EXOC3L4: variants seen among roughly 807,000 people sequenced by gnomAD.
EXOC3L4 encodes exocyst complex component 3 like 4.
Under a neutral mutation model 69.7 loss-of-function variants are expected in EXOC3L4, and 62 were observed. That is an observed-to-expected ratio of 0.89 (90% CI 0.72 to 1.10). EXOC3L4 has a LOEUF of 1.10. EXOC3L4 is among the 50% of genes least tolerant of loss of function. The pLI, the probability that EXOC3L4 is intolerant of heterozygous loss-of-function variation, is 0.00. For missense variants in EXOC3L4, 1,087 were observed against 1,034.8 expected (o/e 1.05, Z -0.69); for synonymous variants, 502 against 464.2 (o/e 1.08, Z -1.05).
At position 103,104,740 on chromosome 14, in the gene EXOC3L4, C is replaced by G; in HGVS notation, c.1287C>G (p.Leu429=). ...TCAGTGCGGGGCTTCGCTCGCAGCTCGTGGCCGAGCACGTGAAGGCGGCCG... is the reference window on the plus strand; with the variant it reads ...TCAGTGCGGGGCTTCGCTCGCAGCTGGTGGCCGAGCACGTGAAGGCGGCCG... ...QAPLSMDVHM[L]VAEHVKAAGA... The change falls in exon 6 of 12, where the codon CTC becomes CTG. Residue 429 remains leucine, a splice_region_variant and synonymous_variant. Transcript: ENST00000688303. 6.6e-7 allele frequency: 1 copy of G among 1,504,760 alleles called. No individual in the cohort carries two copies. 93.2% of individuals were successfully genotyped at this position (1,504,760 alleles called of 1,614,324 possible).
Position 103,105,009 on chromosome 14 carries a change from T to C in EXOC3L4, c.1403T>C (p.Leu468Pro). ...CGCCCCAGGTTTGAAAAGGCTTTTC[T>C]GGCGTCGGAGGCGGTGAGCGAGCCG... ...LFVPRFEKAF[L>P]ASEAVSEPHL... The change falls in exon 7 of 12, where the codon CTG becomes CCG. Residue 468 changes from leucine to proline, a missense_variant. Transcript: ENST00000688303. 1 of 1,612,610 alleles carries C rather than the reference T, an allele frequency of 6.2e-7. No individual in the cohort carries two copies. Among genetic ancestry groups the C allele is most frequent in the East Asian group, 2.2e-5 (1 of 44,824 alleles).
chr14:103,109,948 C>G, intron 11 of EXOC3L4, 83 bp from the exon 12 acceptor site: 1 of 1,418,236 alleles, frequency 7.1e-7, no homozygotes, highest in Non-Finnish European at 9.5e-7. Flanking sequence ...TACTAACTCC[C>G]AAGCCCGTGG....
chr14:103,096,175 A>C (rs1042453430), intron 1 of EXOC3L4, among the ~76,000 whole-genome samples: 1 of 152,090 alleles, frequency 6.6e-6, no homozygotes, highest in African/African-American at 2.4e-5. Flanking sequence ...ACACATAATG[A>C]GACCCCTGTC....
At chr14:103,103,251 A>C (rs1890311533) in intron 3 of EXOC3L4, among the ~76,000 whole-genome samples, 1 of 148,032 alleles carries the variant, frequency 6.8e-6, no homozygotes, top group South Asian at 2.2e-4. Flanking sequence ...GCTATTCCGG[A>C]GGCTGAGGTA....
At chr14:103,106,669 A>G in intron 7 of EXOC3L4, 116 bp from the exon 8 acceptor site, 1 of 612,142 alleles carries the variant, frequency 1.6e-6, no homozygotes, top group Non-Finnish European at 2.8e-6. Flanking sequence ...TACAATGGGG[A>G]GCCCCACGGG....
rs188903535 is a variant in EXOC3L4, at chr14:103,099,064, G to A, written c.-16-1140G>A. On this transcript the variant is annotated intron_variant, in intron 1 of 11. Coordinates refer to ENST00000688303, the MANE Select transcript of EXOC3L4 (RefSeq NM_001077594.2). ...ACTTCCTGCCCGATGTCACCCAAGGGTTGGGTGGTGGGTCAGGCGGGTGCT... is the reference window on the plus strand; with the variant it reads ...ACTTCCTGCCCGATGTCACCCAAGGATTGGGTGGTGGGTCAGGCGGGTGCT... Among the ~76,000 whole-genome samples the A allele has an allele frequency of 8.7e-4, 133 of 152,324 alleles. No homozygotes were observed. In the Middle Eastern group the frequency reaches 0.02, roughly 23 times the overall value.
In EXOC3L4 at chr14:103,103,368, A is replaced by AG. The variant is rs1555403233; in HGVS notation, c.1050-573_1050-572insG. On this transcript the variant is annotated intron_variant, in intron 3 of 11. Coordinates refer to ENST00000688303, the MANE Select transcript of EXOC3L4 (RefSeq NM_001077594.2). ...AGACTCTGTCTCAAAAAAAAAAAAA[A>AG]AAAGAAAGAAAGAAAGAAAAGAAAA... Among the ~76,000 whole-genome samples, 192 of 146,204 alleles carry AG rather than the reference A, an allele frequency of 1.3e-3. 2 individuals carry two copies. The highest frequency in any genetic ancestry group is 4.6e-3 in the African/African-American group (171 of 37,072).
chr14:103,102,050 G>T (rs1278422587), intron 2 of EXOC3L4, 68 bp from the exon 3 acceptor site: 3 of 1,478,770 alleles, frequency 2.0e-6, no homozygotes, highest in Non-Finnish European at 2.7e-6. Flanking sequence ...GCCGTGGCCT[G>T]CAGGTCTTCG....
chr14:103,104,821 C>T lies in EXOC3L4; in HGVS notation c.1368C>T (p.Leu456=), dbSNP rs1199797111. 1 of 1,506,400 alleles carries T rather than the reference C, an allele frequency of 6.6e-7. No homozygotes were observed. Among genetic ancestry groups the T allele is most frequent in the Non-Finnish European group, 8.9e-7 (1 of 1,120,752 alleles). The allele number at this position is 1,506,400 out of a possible 1,614,324, so 93.3% of individuals were successfully genotyped here. The change falls in exon 6 of 12, where the codon CTC becomes CTT. Residue 456 remains leucine, a synonymous_variant. Transcript: ENST00000688303. Reference sequence around the variant, plus strand: ...CCCTGCGAATCTGCACGCGGGCGCTCGGCCTCTTCGTGCCCAGGTGCGGAC... The same window carrying T: ...CCCTGCGAATCTGCACGCGGGCGCTTGGCCTCTTCGTGCCCAGGTGCGGAC... ...ATTLRICTRA[L]GLFVPRFEKA...
At chr14:103,101,533 G>C (rs770676323) in intron 2 of EXOC3L4, among the ~76,000 whole-genome samples, 4 of 152,228 alleles carry the variant, frequency 2.6e-5, no homozygotes, top group Non-Finnish European at 5.9e-5. Flanking sequence ...GCCTTTCACA[G>C]CCTGGCTCCT....
In EXOC3L4 at chr14:103,100,336, T is replaced by C; in HGVS notation, c.117T>C (p.Asn39=). ...GAACAAGCAGCAGGAAAGAGCCCAA[T>C]GCCCACCGCAAGGATGGCACAAGGC... The part of the protein sequence containing the change: ...SRRTSSRKEP[N]AHRKDGTRLG... The change falls in exon 2 of 12, where the codon AAT becomes AAC. Residue 39 remains asparagine (N), a synonymous_variant. Coordinates refer to ENST00000688303, the MANE Select transcript of EXOC3L4 (RefSeq NM_001077594.2). The C allele has an allele frequency of 6.3e-7, 1 of 1,597,016 alleles. No individual in the cohort carries two copies. The highest frequency in any genetic ancestry group is 1.1e-5 in the South Asian group (1 of 88,868).
In EXOC3L4 at chr14:103,100,513, C is replaced by A. The variant is rs1595237252; in HGVS notation, c.294C>A (p.Gly98=). 2 of 1,612,920 alleles carry A rather than the reference C, an allele frequency of 1.2e-6. No individual in the cohort carries two copies. The highest frequency in any genetic ancestry group is 4.5e-5 in the East Asian group (2 of 44,872). ...RQALNDGPAT[G]HSQATPEVPS... ...CCCTGAATGACGGCCCAGCTACCGG[C>A]CATTCCCAGGCCACTCCTGAGGTGC... Residue 98 remains glycine (G), a synonymous_variant, in exon 2 of 12, where the codon GGC becomes GGA. Coordinates refer to ENST00000688303, the MANE Select transcript of EXOC3L4 (RefSeq NM_001077594.2).
chr14:103,094,324 C>G (rs114127676), upstream of EXOC3L4, among the ~76,000 whole-genome samples: 3,491 of 152,286 alleles, frequency 0.023, 36 homozygotes, highest in Middle Eastern at 0.034. Context: ...GGGATGAACT[C>G]GATGGACTGG....
At chr14:103,108,214 C>T (rs1190119830) in intron 10 of EXOC3L4, among the ~76,000 whole-genome samples, 182 bp from the exon 11 acceptor site, 1 of 152,176 alleles carries the variant, frequency 6.6e-6, no homozygotes, top group African/African-American at 2.4e-5. Context: ...CCCATGAGCC[C>T]TCGGTGCCCA....
chr14:103,095,684 C>G (rs1889859991), intron 1 of EXOC3L4, among the ~76,000 whole-genome samples: 2 of 152,172 alleles, frequency 1.3e-5, no homozygotes. Flanking sequence ...GCTCAGGGGG[C>G]TTATGCTTTG....
In EXOC3L4 at chr14:103,107,799, C is replaced by G; in HGVS notation, c.1854+16C>G. The G allele has an allele frequency of 1.3e-6, 2 of 1,499,564 alleles. No individual in the cohort carries two copies. The highest frequency in any genetic ancestry group is 1.8e-6 in the Non-Finnish European group (2 of 1,117,208). The allele number at this position is 1,499,564 out of a possible 1,614,324, so 92.9% of individuals were successfully genotyped here. A position where few individuals can be genotyped will look rare whatever the true frequency, so the allele number is the denominator to read the frequency against. ...CCAGGGCCTGGTAGGGGCGGCATGACTGCCCTTCGGTGCTCGCCTCTGTGT... is the reference window on the plus strand; with the variant it reads ...CCAGGGCCTGGTAGGGGCGGCATGAGTGCCCTTCGGTGCTCGCCTCTGTGT... On this transcript the variant is annotated intron_variant, in intron 10 of 11. Coordinates refer to ENST00000688303, the MANE Select transcript of EXOC3L4 (RefSeq NM_001077594.2).
Position 103,110,329 on chromosome 14 carries a change from A to T in EXOC3L4, c.*106A>T. ...TCTGGGCCCTGCCCCCAACTCTGAC[A>T]CTGCAGTTAGGGAATTTTTGTCGTC... On this transcript the variant is annotated 3_prime_UTR_variant, in exon 12 of 12. Coordinates refer to ENST00000688303, the MANE Select transcript of EXOC3L4 (RefSeq NM_001077594.2). The T allele has an allele frequency of 7.5e-7, 1 of 1,327,078 alleles. No individual in the cohort carries two copies. Among genetic ancestry groups the T allele is most frequent in the Non-Finnish European group, 1.0e-6 (1 of 958,730 alleles). The allele number at this position is 1,327,078 out of a possible 1,614,324, so 82.2% of individuals were successfully genotyped here.
chr14:103,102,803 G>C (rs1371971609), intron 3 of EXOC3L4, 31 bp downstream of exon 3: 5 of 1,318,070 alleles, frequency 3.8e-6, no homozygotes, highest in Non-Finnish European at 4.8e-6. Flanking sequence ...CCAGTGGCGA[G>C]GACAGCTGCC....
At chr14:103,101,883 G>A (rs966674598) in intron 2 of EXOC3L4, among the ~76,000 whole-genome samples, 2 of 152,246 alleles carry the variant, frequency 1.3e-5, no homozygotes, top group African/African-American at 4.8e-5. Context: ...GACCCAAATT[G>A]CTCTGTTCAG....
Sources: allele counts gnomAD v4.1 joint callset (sites outside exome capture counted in the v4.1 genomes callset), GRCh38; gene constraint gnomAD v4.1.1; transcripts MANE v1.5; gene names NCBI Gene and HGNC (gene_info 2026-07-23, HGNC 2026-07-21).